SGO2: variants seen among roughly 807,000 people sequenced by gnomAD.
SGO2 encodes shugoshin 2.
SGO2 carries 68 observed loss-of-function variants against 99.5 expected under a neutral mutation model. That is an observed-to-expected ratio of 0.68 (90% confidence interval 0.56 to 0.84). SGO2 has a LOEUF of 0.84. SGO2 is among the 40% of genes least tolerant of loss of function. SGO2 has a pLI of 0.00. For synonymous variants in SGO2, 457 were observed against 487.1 expected (o/e 0.94, Z 0.81); for missense variants, 1,350 against 1,436.7 (o/e 0.94, Z 0.97).
At position 200,573,845 on chromosome 2, in the gene SGO2, G is replaced by A. The variant is rs200898645; in HGVS notation, c.3499G>A (p.Gly1167Ser). The A allele has an allele frequency of 1.8e-4, 293 of 1,613,030 alleles. 1 individual carries two copies. In the African/African-American group the frequency reaches 2.8e-3, roughly 15 times the overall value. ...TTTAGTACCTTTGAGCGTTTCTTCT[G>A]GTAAAAATGTGATAATAAAAGAAAA... ...EGLVPLSVSS[G>S]KNVIIKENFA... Residue 1167 changes from glycine (G) to serine (S), a missense_variant, in exon 7 of 9, where the codon GGT becomes AGT. Physicochemically the swap from Gly to Ser is moderately conservative, Grantham distance 56. Transcript: ENST00000357799.
intron 5 of SGO2, among the ~76,000 whole-genome samples, chr2:200,547,749 C>T (rs2032289577): frequency 6.6e-6 from 1 of 151,964 alleles, no homozygotes; most frequent in South Asian, 2.1e-4. Context: ...CTATGTGCTC[C>T]CTTCAAGAAA....
rs933314330 is a variant in SGO2, at chr2:200,572,631, G to T, written c.2285G>T (p.Ser762Ile). Reference protein sequence around the residue: ...EIIPGNLEDPSEFETPALSTK... With the variant: ...EIIPGNLEDPIEFETPALSTK... ...ATCCCTGGAAACCTAGAAGACCCAA[G>T]TGAGTTTGAAACACCTGCTCTTTCT... is the stretch of plus-strand genomic sequence containing the variant. The change falls in exon 7 of 9, where the codon AGT (serine) becomes ATT (isoleucine). Residue 762 changes from serine (S) to isoleucine (I), a missense_variant. Ser to Ile is a moderately radical substitution (Grantham distance 142). Transcript: ENST00000357799. The T allele has an allele frequency of 5.3e-5, 85 of 1,612,742 alleles. No individual in the cohort carries two copies. Among genetic ancestry groups the T allele is most frequent in the Non-Finnish European group, 7.1e-5 (84 of 1,179,388 alleles).
intron 5 of SGO2, 107 bp from the exon 6 acceptor site, chr2:200,569,556 G>A: frequency 1.3e-6 from 1 of 787,968 alleles, no homozygotes; most frequent in East Asian, 2.7e-5. Flanking sequence ...AAAGTACCAG[G>A]TGGATTTGTG....
intron 4 of SGO2, among the ~76,000 whole-genome samples, chr2:200,541,650 A>G (rs2031965304): frequency 6.6e-6 from 1 of 152,188 alleles, no homozygotes; most frequent in African/African-American, 2.4e-5. Context: ...AGAATATGAA[A>G]CAGGATGGAG....
chr2:200,547,854 A>G (rs1189094426), intron 5 of SGO2, among the ~76,000 whole-genome samples: 1 of 152,082 alleles, frequency 6.6e-6, no homozygotes, highest in African/African-American at 2.4e-5. Context: ...GAGTAGCTGT[A>G]CTCGTAGCAG....
rs982557608 is a variant in SGO2, at chr2:200,571,761, A to C, written c.1415A>C (p.Lys472Thr). The change falls in exon 7 of 9, where the codon AAA (lysine) becomes ACA (threonine). Residue 472 changes from lysine to threonine, a missense_variant. Transcript: ENST00000357799. ...EQLAQVNELK[K>T]MTLQTGFEQG... is the part of the protein sequence containing the mutation. ...CTGGCTCAGGTGAATGAACTAAAGA[A>C]AATGACCCTTCAAACTGGCTTTGAA... is the stretch of plus-strand genomic sequence containing the variant. 13 of 1,613,712 alleles carry C rather than the reference A, an allele frequency of 8.1e-6. No individual in the cohort carries two copies. The highest frequency in any genetic ancestry group is 1.1e-5 in the Non-Finnish European group (13 of 1,179,682).
chr2:200,582,620 G>A (rs1224526892), intron 8 of SGO2, among the ~76,000 whole-genome samples: 2 of 152,072 alleles, frequency 1.3e-5, no homozygotes, highest in African/African-American at 2.4e-5. Flanking sequence ...TATAATTAGT[G>A]CATGAACTAT....
At chr2:200,563,651 A>T (rs1220304858) in intron 5 of SGO2, among the ~76,000 whole-genome samples, 3 of 152,082 alleles carry the variant, frequency 2.0e-5, no homozygotes, top group Non-Finnish European at 4.4e-5. Context: ...TCCTCTTTGT[A>T]CCTCTGGTAG....
Position 200,573,954 on chromosome 2 carries a change from G to T in SGO2, c.3608G>T (p.Arg1203Leu). Residue 1203 changes from arginine (R) to leucine (L), a missense_variant, in exon 7 of 9, where the codon CGG becomes CTG. Physicochemically the swap from Arg to Leu is moderately radical, Grantham distance 102. Transcript: ENST00000357799. ...AACAAGATGAAATTTAAAGTCAACC[G>T]GAGAACCCAAAAATCAGGAATAGGT... ...KMNKMKFKVN[R>L]RTQKSGIGDR... 6.3e-7 allele frequency: 1 copy of T among 1,589,010 alleles called. No individual in the cohort carries two copies. Among genetic ancestry groups the T allele is most frequent in the Non-Finnish European group, 8.5e-7 (1 of 1,172,000 alleles).
intron 5 of SGO2, among the ~76,000 whole-genome samples, chr2:200,547,262 C>G (rs1422602400): frequency 6.6e-6 from 1 of 152,272 alleles, no homozygotes; most frequent in East Asian, 1.9e-4. Context: ...AAAACTGACA[C>G]CCAAGAATAT....
rs555605309 is a variant in SGO2, at chr2:200,566,011, TC to T, written c.474-3650del. On this transcript the variant is annotated intron_variant, in intron 5 of 8. Transcript: ENST00000357799. ...AGCTTCTTTGCGATGGGTTTGAACA[TC>T]CTCCTTTAGCTCGGAGAAGTTTGTT... Among the ~76,000 whole-genome samples the T allele has an allele frequency of 3.1e-4, 47 of 152,324 alleles. 1 individual carries two copies. The South Asian group carries it at 9.5e-3, about 31-fold the overall frequency.
rs116691121 is a variant in SGO2 at position 200,576,145 on chromosome 2, A to C, written c.3782+684A>C. The C allele has an allele frequency of 5.2e-3, 1,824 of 353,454 alleles. 17 individuals are homozygous for C. Among genetic ancestry groups the C allele is most frequent in the Non-Finnish European group, 7.1e-3 (1,290 of 181,878 alleles). The allele number at this position is 353,454 out of a possible 1,614,324, so 21.9% of individuals were successfully genotyped here. A position where few individuals can be genotyped will look rare whatever the true frequency, so the allele number is the denominator to read the frequency against. ...TGATTCTCATGGGTATTTTAAAGCA[A>C]TAACCAGCAGATGGCAGTAATATAA... On this transcript the variant is annotated intron_variant, in intron 8 of 8. Coordinates refer to ENST00000357799, the MANE Select transcript of SGO2 (RefSeq NM_152524.6).
chr2:200,546,219 G>C (rs1168351034), intron 5 of SGO2, among the ~76,000 whole-genome samples: 1 of 151,542 alleles, frequency 6.6e-6, no homozygotes, highest in Non-Finnish European at 1.5e-5. Context: ...CAGGCGTGGT[G>C]GTGGGTGCCT....
chr2:200,549,024 A>G (rs927347571), intron 5 of SGO2, among the ~76,000 whole-genome samples: 9 of 152,160 alleles, frequency 5.9e-5, no homozygotes, highest in Admixed American at 3.9e-4. Flanking sequence ...TGGGAGGCCA[A>G]GGCAGGAGAA....
In SGO2 at chr2:200,535,036, CAG is replaced by C. The variant is rs777679840; in HGVS notation, c.175_176del (p.Arg59GlyfsTer7). ...TCAAAATATCTTTAAAGCACAACAACAGGGCATTAGCTCAGGCTCTTAGTAGA... is the reference window on the plus strand; with the variant it reads ...TCAAAATATCTTTAAAGCACAACAACGGCATTAGCTCAGGCTCTTAGTAGA... ...IFKISLKHNN[R>X]ALAQALSREK... On this transcript the variant is annotated frameshift_variant, in exon 3 of 9. Coordinates refer to ENST00000357799, the MANE Select transcript of SGO2 (RefSeq NM_152524.6). LOFTEE classifies it high-confidence loss of function. The C allele has an allele frequency of 9.7e-6, 15 of 1,543,962 alleles. No homozygotes were observed. Among genetic ancestry groups the C allele is most frequent in the Non-Finnish European group, 1.3e-5 (15 of 1,157,128 alleles).
intron 8 of SGO2, among the ~76,000 whole-genome samples, chr2:200,579,636 A>T (rs550631406): frequency 6.6e-6 from 1 of 152,342 alleles, no homozygotes; most frequent in Admixed American, 6.5e-5. Flanking sequence ...TCATTTACTT[A>T]CATGTATTAA....
At chr2:200,569,026 A>C (rs1048680682) in intron 5 of SGO2, among the ~76,000 whole-genome samples, 1 of 151,834 alleles carries the variant, frequency 6.6e-6, no homozygotes, top group Non-Finnish European at 1.5e-5. Flanking sequence ...TATTTTTCTT[A>C]TTATAAATTA....
intron 6 of SGO2, 51 bp downstream of exon 6, chr2:200,569,943 T>G: frequency 8.3e-7 from 1 of 1,200,962 alleles, no homozygotes; most frequent in Non-Finnish European, 1.2e-6. Context: ...GTTACATTCA[T>G]CAGATGTTCT....
At chr2:200,545,140 G>C (rs1247522949) in intron 5 of SGO2, among the ~76,000 whole-genome samples, 1 of 152,104 alleles carries the variant, frequency 6.6e-6, no homozygotes, top group Non-Finnish European at 1.5e-5. Flanking sequence ...CCAAGTAGCT[G>C]GGACTACAGG....
Sources: allele counts gnomAD v4.1 joint callset (sites outside exome capture counted in the v4.1 genomes callset), GRCh38; gene constraint gnomAD v4.1.1; transcripts MANE v1.5; gene names NCBI Gene and HGNC (gene_info 2026-07-23, HGNC 2026-07-21).